OGDHL: variants seen among roughly 807,000 people sequenced by gnomAD.
OGDHL encodes oxoglutarate dehydrogenase L.
OGDHL carries 79 observed loss-of-function variants against 109.6 expected under a neutral mutation model. The ratio of observed to expected loss-of-function variants is 0.72; its 90% CI spans 0.60 to 0.87. The LOEUF (loss-of-function observed/expected upper bound fraction) is 0.87, where lower values mean the gene tolerates loss of function less well. Ranked by LOEUF, OGDHL falls within the 40% of genes least tolerant of loss-of-function variation. OGDHL has a pLI of 0.00. For missense variants in OGDHL, 1,275 were observed against 1,362.2 expected (o/e 0.94, Z 1.01); for synonymous variants, 528 against 537.2 (o/e 0.98, Z 0.24).
chr10:49,750,913 AATC>A lies in OGDHL; in HGVS notation c.819_821del (p.Met273del). ...TGTCGATGATGGTCTTGAGGGCAGG[AATC>A]ATCACTTCACAGCCCTCCAGGCCAA... On this transcript the variant is annotated inframe_deletion, in exon 7 of 23. Transcript: ENST00000374103. 2 of 1,612,620 alleles carry A rather than the reference AATC, an allele frequency of 1.2e-6. No individual in the cohort carries two copies. The highest frequency in any genetic ancestry group is 1.7e-6 in the Non-Finnish European group (2 of 1,179,326).
chr10:49,758,508 A>T lies in OGDHL; in HGVS notation c.85T>A (p.Trp29Arg). 2 of 1,613,938 alleles carry T rather than the reference A, an allele frequency of 1.2e-6. No homozygotes were observed. The highest frequency in any genetic ancestry group is 1.1e-5 in the South Asian group (1 of 91,084). Residue 29 changes from tryptophan (W) to arginine (R), a missense_variant, in exon 2 of 23, where the codon TGG becomes AGG. Transcript: ENST00000374103. ...LAAHDVPVFG[W>R]RSRSSGPPAT... ...GGTGGCCCGGAGGACCTGCTGCGCCAGCCAAACACCGGGACGTCATGTGCA... is the reference window on the plus strand; with the variant it reads ...GGTGGCCCGGAGGACCTGCTGCGCCTGCCAAACACCGGGACGTCATGTGCA...
At chr10:49,754,706 T>A (rs926488308) in intron 3 of OGDHL, among the ~76,000 whole-genome samples, 12 of 149,784 alleles carry the variant, frequency 8.0e-5, no homozygotes, top group African/African-American at 2.9e-4. Flanking sequence ...GTCTATGGGA[T>A]CGAGCCTCTA....
rs755135947 is a variant in OGDHL at position 49,758,491 on chromosome 10, G to A, written c.102C>T (p.Ser34=). 19 of 1,613,770 alleles carry A rather than the reference G, an allele frequency of 1.2e-5. No homozygotes were observed. Among genetic ancestry groups the A allele is most frequent in the East Asian group, 1.1e-4 (5 of 44,882 alleles). The change falls in exon 2 of 23, where the codon TCC becomes TCT. Residue 34 remains serine, a synonymous_variant. Coordinates refer to ENST00000374103, the MANE Select transcript of OGDHL (RefSeq NM_018245.3). The part of the protein sequence containing the change: ...VPVFGWRSRS[S]GPPATFPSSK... ...TGCTTGGGAAGGTGGCCGGTGGCCC[G>A]GAGGACCTGCTGCGCCAGCCAAACA...
chr10:49,757,261 C>T lies in OGDHL; in HGVS notation c.205-315G>A, dbSNP rs867053833. On this transcript the variant is annotated intron_variant, in intron 2 of 22. Coordinates refer to ENST00000374103, the MANE Select transcript of OGDHL (RefSeq NM_018245.3). ...GTGGACATGGAATATTGCCAAGATA[C>T]GTTTTAAAGTGAATGAAGCAGAAGA... Among the ~76,000 whole-genome samples the T allele has an allele frequency of 2.1e-4, 32 of 152,284 alleles. 1 individual carries two copies. In the South Asian group the frequency reaches 5.6e-3, roughly 27 times the overall value.
intron 17 of OGDHL, chr10:49,738,864 CCT>C (rs1205569644): frequency 6.5e-6 from 1 of 153,496 alleles, no homozygotes; most frequent in Non-Finnish European, 1.4e-5. Context: ...TGCCACTTGC[CCT>C]CTCTTGGTGG....
chr10:49,752,603 A>G (rs772464467), intron 4 of OGDHL, 35 bp downstream of exon 4: 1 of 1,565,096 alleles, frequency 6.4e-7, no homozygotes, highest in South Asian at 1.1e-5. Context: ...CCACCCACAC[A>G]GCACTGCCAT....
At chr10:49,754,374 C>T (rs764000676) in intron 3 of OGDHL, among the ~76,000 whole-genome samples, 11 of 152,118 alleles carry the variant, frequency 7.2e-5, no homozygotes, top group Non-Finnish European at 8.8e-5. Flanking sequence ...AGAAGATAAA[C>T]TTTCATTAGT....
intron 16 of OGDHL, 142 bp from the exon 17 acceptor site, chr10:49,739,981 GA>G: frequency 1.2e-6 from 1 of 800,534 alleles, no homozygotes; most frequent in Non-Finnish European, 1.9e-6. Context: ...GATTCCCTGG[GA>G]TTCAAAGGGT....
rs761630231 is a variant in OGDHL at position 49,745,926 on chromosome 10, C to A, written c.1348G>T (p.Asp450Tyr). 1.5e-5 allele frequency: 25 copies of A among 1,614,204 alleles called. No homozygotes were observed. The highest frequency in any genetic ancestry group is 2.0e-5 in the Non-Finnish European group (24 of 1,180,030). ...RMARSSPYPT[D>Y]VARVVNAPIF... ...GGCGCATTGACCACCCGGGCCACGT[C>A]GGTCGGGTATGGTGAGGAGCGGGCC... The change falls in exon 11 of 23, where the codon GAC (aspartate) becomes TAC (tyrosine). Residue 450 changes from aspartate to tyrosine, a missense_variant. Asp to Tyr is a radical substitution (Grantham distance 160, BLOSUM62 -3). Coordinates refer to ENST00000374103, the MANE Select transcript of OGDHL (RefSeq NM_018245.3).
rs150734131 is a variant in OGDHL at position 49,752,144 on chromosome 10, G to C, written c.583C>G (p.Arg195Gly). ...CCGCCTGTGCTCACCTCCAGGCGCCGAATGATCTCCCGCAGAGAGAGGGTG... is the reference window on the plus strand; with the variant it reads ...CCGCCTGTGCTCACCTCCAGGCGCCCAATGATCTCCCGCAGAGAGAGGGTG... ...ENTLSLREII[R>G]RLENTYCQHI... The change falls in exon 5 of 23, where the codon CGG becomes GGG. Residue 195 changes from arginine (R) to glycine (G), a missense_variant. Transcript: ENST00000374103. 1.2e-6 allele frequency: 2 copies of C among 1,614,000 alleles called. No homozygotes were observed. The highest frequency in any genetic ancestry group is 8.5e-7 in the Non-Finnish European group (1 of 1,179,962).
intron 15 of OGDHL, among the ~76,000 whole-genome samples, chr10:49,742,384 C>CACACAAAT (rs1400553784): frequency 1.2e-5 from 1 of 86,576 alleles, no homozygotes; most frequent in African/African-American, 3.0e-5. Context: ...CAAATACACA[C>CACACAAAT]CACACCCCCA....
chr10:49,736,764 T>C (rs1253676042), intron 20 of OGDHL, among the ~76,000 whole-genome samples: 1 of 152,052 alleles, frequency 6.6e-6, no homozygotes, highest in Non-Finnish European at 1.5e-5. Context: ...ACGTTTAAGG[T>C]GACCGGAGGT....
At position 49,744,042 on chromosome 10, in the gene OGDHL, C is replaced by A. The variant is rs139867430; in HGVS notation, c.1813G>T (p.Gly605Cys). ...GIPEDMLTHI[G>C]SVASSVPLED... The stretch of plus-strand genomic sequence containing the variant: ...AGGGGCACAGAGCTGGCCACACTGC[C>A]GATGTGGGTGAGCATGTCCTCAGGG... Residue 605 changes from glycine to cysteine, a missense_variant, in exon 14 of 23, where the codon GGC (glycine) becomes TGC (cysteine). By Grantham distance (159) the Gly-to-Cys change is radical (BLOSUM62 -3). Coordinates refer to ENST00000374103, the MANE Select transcript of OGDHL (RefSeq NM_018245.3). 1.7e-4 allele frequency: 272 copies of A among 1,614,084 alleles called. No homozygotes were observed. In the African/African-American group the frequency reaches 3.3e-3, roughly 20 times the overall value.
Position 49,745,547 on chromosome 10 carries a change from A to G in OGDHL, c.1477-51T>C, listed in dbSNP as rs766470248. 8.1e-6 allele frequency: 13 copies of G among 1,604,424 alleles called. No homozygotes were observed. The East Asian group carries it at 2.7e-4, about 33-fold the overall frequency. ...GGCCCTTCCCTACGCTGTGTGGTCA[A>G]TGTAGCTGCTGCAAAATTGGGGAAT... On this transcript the variant is annotated intron_variant, in intron 11 of 22. Transcript: ENST00000374103.
intron 3 of OGDHL, among the ~76,000 whole-genome samples, chr10:49,754,438 A>G (rs906593540): frequency 6.6e-6 from 1 of 152,226 alleles, no homozygotes; most frequent in Admixed American, 6.5e-5. Context: ...TCACTGAATA[A>G]AAGAAAAAAA....
At chr10:49,735,469 A>C (rs1314887714) in intron 22 of OGDHL, 118 bp from the exon 23 acceptor site, 7 of 1,254,020 alleles carry the variant, frequency 5.6e-6, no homozygotes, top group Non-Finnish European at 7.7e-6. Context: ...GAAGCCATAG[A>C]CCCTGCCTTT....
rs368634413 is a variant in OGDHL at position 49,741,894 on chromosome 10, C to G, written c.2012+934G>C. Among the ~76,000 whole-genome samples, 622 of 149,422 alleles carry G rather than the reference C, an allele frequency of 4.2e-3. 4 individuals carry two copies. Among genetic ancestry groups the G allele is most frequent in the African/African-American group, 0.014 (573 of 40,576 alleles). The stretch of plus-strand genomic sequence containing the variant: ...CACACCACACATACCACACACACCA[C>G]ACATACCACACAACACACACACCAC... On this transcript the variant is annotated intron_variant, in intron 15 of 22. Coordinates refer to ENST00000374103, the MANE Select transcript of OGDHL (RefSeq NM_018245.3).
intron 21 of OGDHL, 45 bp downstream of exon 21, chr10:49,736,312 C>T (rs754778396): frequency 5.6e-6 from 9 of 1,608,258 alleles, no homozygotes; most frequent in Middle Eastern, 1.7e-4. Context: ...GGGCCAGCGA[C>T]GTGAGCTTGC....
Position 49,736,056 on chromosome 10 carries a change from A to ATGT in OGDHL, c.2875_2876insACA (p.Phe959delinsTyrIle). The ATGT allele has an allele frequency of 6.2e-7, 1 of 1,605,038 alleles. No individual in the cohort carries two copies. The highest frequency in any genetic ancestry group is 8.5e-7 in the Non-Finnish European group (1 of 1,175,698). On this transcript the variant is annotated protein_altering_variant, in exon 22 of 23. Transcript: ENST00000374103. ...CCGTGCGCGCCTCAGGATGGTCATG[A>ATGT]AGCGTGGGCTGATGTAGTCATAGTA...
Sources: allele counts gnomAD v4.1 joint callset (sites outside exome capture counted in the v4.1 genomes callset), GRCh38; gene constraint gnomAD v4.1.1; transcripts MANE v1.5; gene names NCBI Gene and HGNC (gene_info 2026-07-23, HGNC 2026-07-21).